The following DNAJC1 variants were observed in gnomAD, a reference collection of about 807,000 sequenced individuals.
DNAJC1 encodes dnaJ homolog subfamily C member 1.
A neutral mutation model predicts 76.6 loss-of-function variants in DNAJC1; 58 were observed. The ratio of observed to expected loss-of-function variants is 0.76; its 90% CI spans 0.61 to 0.94. DNAJC1 has a LOEUF of 0.94. DNAJC1 is among the 40% of genes least tolerant of loss of function. The probability of loss-of-function intolerance (pLI) is 0.00; values close to 1 mark genes in which losing one functional copy is unlikely to be tolerated. For missense variants in DNAJC1, 689 were observed against 677.3 expected (o/e 1.02, Z -0.19); for synonymous variants, 258 against 267.9 (o/e 0.96, Z 0.36).
chr10:21,888,468 A>C (rs1836404314), intron 7 of DNAJC1, among the ~76,000 whole-genome samples: 1 of 152,222 alleles, frequency 6.6e-6, no homozygotes, highest in Non-Finnish European at 1.5e-5. Flanking sequence ...CACAATAGCA[A>C]AGACATGGAA....
At chr10:21,915,569 T>G (rs1836938950) in intron 6 of DNAJC1, among the ~76,000 whole-genome samples, 1 of 152,184 alleles carries the variant, frequency 6.6e-6, no homozygotes, top group Non-Finnish European at 1.5e-5. Context: ...TTCAAGGAAT[T>G]TACGCCAAAA....
intron 8 of DNAJC1, among the ~76,000 whole-genome samples, chr10:21,819,641 T>C (rs1835125182): frequency 6.6e-6 from 1 of 152,138 alleles, no homozygotes; most frequent in Non-Finnish European, 1.5e-5. Flanking sequence ...CTAATTAGCA[T>C]ACCATAGGCC....
chr10:21,989,608 GA>G (rs201976760), intron 1 of DNAJC1, among the ~76,000 whole-genome samples: 4 of 150,654 alleles, frequency 2.7e-5, no homozygotes, highest in South Asian at 2.1e-4. Flanking sequence ...CGCCTGTGGG[GA>G]AAAAAAAATG....
intron 8 of DNAJC1, among the ~76,000 whole-genome samples, chr10:21,878,785 T>C (rs1026401478): frequency 1.3e-5 from 2 of 152,172 alleles, no homozygotes; most frequent in African/African-American, 4.8e-5. Flanking sequence ...AGTTGAGCTC[T>C]GACCCTGCAA....
intron 8 of DNAJC1, among the ~76,000 whole-genome samples, chr10:21,852,092 T>TACACACAC (rs58289439): frequency 8.2e-5 from 12 of 146,100 alleles, no homozygotes; most frequent in Non-Finnish European, 1.5e-4. Flanking sequence ...AATTGTGAGA[T>TACACACAC]ACACACACAC....
chr10:21,849,292 CAAAAAAAAAAAAAAA>C (rs33953332), intron 8 of DNAJC1, among the ~76,000 whole-genome samples: 3 of 35,862 alleles, frequency 8.4e-5, no homozygotes, highest in South Asian at 1.6e-3. Flanking sequence ...GACTCCGCCT[CAAAAAAAAAAAAAAA>C]AAAAAAAAAA....
At chr10:21,814,894 A>G (rs1412704543) in intron 8 of DNAJC1, among the ~76,000 whole-genome samples, 1 of 152,218 alleles carries the variant, frequency 6.6e-6, no homozygotes, top group African/African-American at 2.4e-5. Context: ...CCACTCTGGA[A>G]AACTCCTCTA....
intron 6 of DNAJC1, 97 bp from the exon 7 acceptor site, chr10:21,904,709 A>G: frequency 6.6e-6 from 4 of 602,484 alleles, no homozygotes; most frequent in South Asian, 4.1e-5. Flanking sequence ...TATTCATTTT[A>G]TAAGTAGGCT....
chr10:21,857,370 G>A (rs1294474286), intron 8 of DNAJC1, among the ~76,000 whole-genome samples: 24 of 151,826 alleles, frequency 1.6e-4, no homozygotes. Flanking sequence ...ACTAAGCAGG[G>A]AAGACATGTT....
intron 8 of DNAJC1, among the ~76,000 whole-genome samples, chr10:21,812,689 C>A (rs925074748): frequency 2.0e-5 from 3 of 152,004 alleles, no homozygotes; most frequent in Non-Finnish European, 2.9e-5. Flanking sequence ...GCCTTGGCCT[C>A]CGCAGACATG....
chr10:21,815,456 T>C (rs1391059443), intron 8 of DNAJC1, among the ~76,000 whole-genome samples: 1 of 152,192 alleles, frequency 6.6e-6, no homozygotes, highest in East Asian at 1.9e-4. Flanking sequence ...TGATAACTGC[T>C]ATTGCTATCA....
intron 8 of DNAJC1, among the ~76,000 whole-genome samples, chr10:21,830,789 T>A (rs1244814341): frequency 6.6e-6 from 1 of 152,254 alleles, no homozygotes; most frequent in Non-Finnish European, 1.5e-5. Context: ...TTTGACCAGA[T>A]CATCTTCTAA....
chr10:21,842,136 T>C (rs564556315), intron 8 of DNAJC1, among the ~76,000 whole-genome samples: 1 of 148,396 alleles, frequency 6.7e-6, no homozygotes, highest in Admixed American at 6.7e-5. Context: ...TTAGGAGATA[T>C]ACCTAATGCT....
At chr10:21,972,822 C>T (rs907861683) in intron 1 of DNAJC1, among the ~76,000 whole-genome samples, 11 of 151,894 alleles carry the variant, frequency 7.2e-5, no homozygotes, top group Non-Finnish European at 1.0e-4. Flanking sequence ...TGTTCTACAC[C>T]AAGAAACTGA....
chr10:21,908,078 A>G (rs1181900493), intron 6 of DNAJC1, among the ~76,000 whole-genome samples: 1 of 114,922 alleles, frequency 8.7e-6, no homozygotes, highest in East Asian at 2.1e-4. Flanking sequence ...ATACATAAAT[A>G]TATATTATAT....
intron 8 of DNAJC1, among the ~76,000 whole-genome samples, chr10:21,816,613 T>A (rs1835081798): frequency 6.7e-6 from 1 of 148,678 alleles, no homozygotes; most frequent in Admixed American, 6.7e-5. Context: ...TGGTGCGATC[T>A]CCGCTCACTG....
chr10:21,986,954 G>T (rs182428079), intron 1 of DNAJC1, among the ~76,000 whole-genome samples: 1 of 152,212 alleles, frequency 6.6e-6, no homozygotes, highest in African/African-American at 2.4e-5. Flanking sequence ...TTTTAGTAGA[G>T]ACGGGGTTTC....
chr10:21,982,105 A>G (rs998582015), intron 1 of DNAJC1, among the ~76,000 whole-genome samples: 1 of 152,064 alleles, frequency 6.6e-6, no homozygotes, highest in Non-Finnish European at 1.5e-5. Context: ...TCCACTTTCC[A>G]TGTTGTATTC....
rs367561143 is a variant in DNAJC1, at chr10:21,974,084, C to T, written c.222+29129G>A. Among the ~76,000 whole-genome samples, 5 of 143,096 alleles carry T rather than the reference C, an allele frequency of 3.5e-5. No homozygotes were observed. In the East Asian group the frequency reaches 8.0e-4, roughly 23 times the overall value. The allele number at this position is 143,096 out of a possible 152,430, so 93.9% of individuals were successfully genotyped here. ...GCCACTGTACTCCAGCCTGGGCAAT[C>T]GAGTGAGACCCGTCTCAAAAAAAAA... On this transcript the variant is annotated intron_variant, in intron 1 of 11. Transcript: ENST00000376980.
Sources: allele counts gnomAD v4.1 joint callset (sites outside exome capture counted in the v4.1 genomes callset), GRCh38; gene constraint gnomAD v4.1.1; transcripts MANE v1.5; gene names NCBI Gene and HGNC (gene_info 2026-07-23, HGNC 2026-07-21).